NBPF26: variants seen among roughly 807,000 people sequenced by gnomAD.
NBPF26 encodes the protein NBPF family member NBPF26.
Under a neutral mutation model 119.6 loss-of-function variants are expected in NBPF26, and 79 were observed. That is an observed-to-expected ratio of 0.66 (90% CI 0.55 to 0.80). The LOEUF (loss-of-function observed/expected upper bound fraction) is 0.80, where lower values mean the gene tolerates loss of function less well. Among genes scored for constraint, NBPF26 ranks in the 30% least tolerant of loss-of-function variants. NBPF26 has a pLI of 0.00. For synonymous variants in NBPF26, 299 were observed against 457.7 expected, an observed-to-expected ratio of 0.65 and a Z score of 4.43; for missense variants, 800 against 1,198.2, an observed-to-expected ratio of 0.67 and a Z score of 4.91.
intron 1 of NBPF26, among the ~76,000 whole-genome samples, chr1:120,729,072 T>C (rs1161308625): frequency 8.9e-6 from 1 of 112,300 alleles, no homozygotes; most frequent in Non-Finnish European, 1.7e-5. Flanking sequence ...CTTTCCCACC[T>C]TTAGAACATT....
rs1333426207 is a variant in NBPF26 at position 120,749,717 on chromosome 1, T to C, written c.74-13911T>C. Among the ~76,000 whole-genome samples the C allele has an allele frequency of 1.8e-4, 4 of 22,840 alleles. 2 individuals carry two copies. Among genetic ancestry groups the C allele is most frequent in the Non-Finnish European group, 2.9e-4 (4 of 13,676 alleles). 15.0% of individuals were successfully genotyped at this position (22,840 alleles called of 152,430 possible). On this transcript the variant is annotated intron_variant, in intron 1 of 29. Coordinates refer to ENST00000620612, the Ensembl canonical transcript of NBPF26. Reference sequence around the variant, plus strand: ...TTTACAAAGAAAAAATTCTAAACAATTTCAGTCATAGGGTAGTTTTTTTTT... The same window carrying C: ...TTTACAAAGAAAAAATTCTAAACAACTTCAGTCATAGGGTAGTTTTTTTTT...
Position 120,811,979 on chromosome 1 carries a change from T to G in NBPF26, c.1658T>G (p.Ile553Ser), listed in dbSNP as rs1273766882. ...AAGGCAGCGATAAACATTCTAGAAA[T>G]CAATGAGAAATTGCGCCCCCAGCTG... is the stretch of plus-strand genomic sequence containing the variant. The change falls in exon 10 of 30, where the codon ATC becomes AGC. Residue 553 changes from isoleucine to serine, a missense_variant. Ile to Ser is a moderately radical substitution (Grantham distance 142, BLOSUM62 -2). Around this residue, in one of 13 missense-constraint regions of NBPF26, gnomAD observed 72 missense variants for 81.1 expected, o/e 0.89. Coordinates refer to ENST00000620612, the Ensembl canonical transcript of NBPF26. 8.1e-6 allele frequency: 10 copies of G among 1,238,778 alleles called. 1 individual carries two copies. Among genetic ancestry groups the G allele is most frequent in the Non-Finnish European group, 1.1e-5 (10 of 899,032 alleles). 76.7% of individuals were successfully genotyped at this position (1,238,778 alleles called of 1,614,324 possible). A position where few individuals can be genotyped will look rare whatever the true frequency, so the allele number is the denominator to read the frequency against.
rs1651679662 is a variant in NBPF26, at chr1:120,806,228, C to A, written c.961+463C>A. 1.6e-5 allele frequency among the ~76,000 whole-genome samples: 2 copies of A among 123,938 alleles called. 1 individual carries two copies. The highest frequency in any genetic ancestry group is 7.7e-5 in the African/African-American group (2 of 25,910). 81.3% of individuals were successfully genotyped at this position (123,938 alleles called of 152,430 possible). On this transcript the variant is annotated intron_variant, in intron 5 of 29. Transcript: ENST00000620612. ...GGGAACTTGGTGATAGTACCCAGTA[C>A]CTGTTCTGAGGGGCTTCAAGGGGAG... is the stretch of plus-strand genomic sequence containing the variant.
chr1:120,803,077 G>A (rs1651600419), intron 4 of NBPF26, among the ~76,000 whole-genome samples: 1 of 88,064 alleles, frequency 1.1e-5, no homozygotes, highest in South Asian at 3.6e-4. Flanking sequence ...GAGACAATGA[G>A]TGGCGCTGAT....
intron 1 of NBPF26, among the ~76,000 whole-genome samples, chr1:120,736,360 T>A: frequency 2.0e-5 from 1 of 49,666 alleles, no homozygotes; most frequent in East Asian, 4.3e-4. Flanking sequence ...CATTGGACAG[T>A]ACCAGGCACA....
intron 1 of NBPF26, among the ~76,000 whole-genome samples, chr1:120,730,156 T>C (rs1244482211): frequency 3.3e-5 from 1 of 30,200 alleles, no homozygotes; most frequent in Non-Finnish European, 5.3e-5. Context: ...TGCATAGGAG[T>C]TCCACAGCCT....
intron 6 of NBPF26, among the ~76,000 whole-genome samples, chr1:120,807,990 C>T (rs1553270396): frequency 1.6e-5 from 2 of 122,298 alleles, no homozygotes; most frequent in Non-Finnish European, 3.3e-5. Flanking sequence ...GGGAACCACC[C>T]AGCAGCATTC....
chr1:120,790,535 C>CCTTCCTTTCTTTCTTTCTTT, intron 3 of NBPF26, among the ~76,000 whole-genome samples: 1 of 76,714 alleles, frequency 1.3e-5, no homozygotes, highest in East Asian at 3.2e-4. Flanking sequence ...TTTCTCCCTC[C>CCTTCCTTTCTTTCTTTCTTT]CTTTCTTTCT....
In NBPF26 at chr1:120,724,378, C is replaced by T. The variant is rs1470106125; in HGVS notation, c.73+128C>T. The T allele has an allele frequency of 1.9e-5, 25 of 1,346,846 alleles. 5 individuals are homozygous for T. The highest frequency in any genetic ancestry group is 5.4e-5 in the African/African-American group (2 of 37,178). 83.4% of individuals were successfully genotyped at this position (1,346,846 alleles called of 1,614,324 possible). A position where few individuals can be genotyped will look rare whatever the true frequency, so the allele number is the denominator to read the frequency against. On this transcript the variant is annotated intron_variant, in intron 1 of 29. Coordinates refer to ENST00000620612, the Ensembl canonical transcript of NBPF26. ...GCCGCCGGCGCGGAGTGAGGCCACT[C>T]GCTGGGTTCCCAAGAGTTTGGACAT... is the stretch of plus-strand genomic sequence containing the variant.
chr1:120,805,254 T>A (rs1553269550), intron 4 of NBPF26, among the ~76,000 whole-genome samples: 3 of 125,378 alleles, frequency 2.4e-5, no homozygotes, highest in Non-Finnish European at 1.6e-5. Context: ...GGCTCCTAAG[T>A]TTCCATGACA....
intron 1 of NBPF26, among the ~76,000 whole-genome samples, chr1:120,725,969 G>A (rs1650810038): frequency 9.2e-6 from 1 of 108,930 alleles, no homozygotes; most frequent in Non-Finnish European, 1.7e-5. Context: ...AACTTGTTTT[G>A]GTAAATAACT....
Position 120,793,503 on chromosome 1 carries a change from A to G in NBPF26, c.751+7A>G, listed in dbSNP as rs2101473027. The G allele has an allele frequency of 8.2e-7, 1 of 1,214,422 alleles. No homozygotes were observed. The highest frequency in any genetic ancestry group is 1.1e-6 in the Non-Finnish European group (1 of 878,476). The allele number at this position is 1,214,422 out of a possible 1,614,324, so 75.2% of individuals were successfully genotyped here. ...GAGTGCAACTGCCTTCCAGGTAAGG[A>G]GCTCCCTAGTGTCCCAGGATTAGGG... On this transcript the variant is annotated splice_region_variant and intron_variant, in intron 4 of 29. Coordinates refer to ENST00000620612, the Ensembl canonical transcript of NBPF26.
At chr1:120,769,660 A>T (rs1412727859) in intron 2 of NBPF26, among the ~76,000 whole-genome samples, 1 of 120,572 alleles carries the variant, frequency 8.3e-6, no homozygotes, top group East Asian at 2.0e-4. Context: ...TTCAAGAGTT[A>T]TTTATTGCAT....
rs1452541347 is a variant in NBPF26, at chr1:120,812,961, TAAA to T, written c.1774+869_1774+871del. Among the ~76,000 whole-genome samples the T allele has an allele frequency of 7.0e-4, 81 of 115,644 alleles. 32 individuals are homozygous for T. Among genetic ancestry groups the T allele is most frequent in the African/African-American group, 3.9e-3 (80 of 20,318 alleles). 75.9% of individuals were successfully genotyped at this position (115,644 alleles called of 152,430 possible). A position where few individuals can be genotyped will look rare whatever the true frequency, so the allele number is the denominator to read the frequency against. On this transcript the variant is annotated intron_variant, in intron 10 of 29. Coordinates refer to ENST00000620612, the Ensembl canonical transcript of NBPF26. Reference sequence around the variant, plus strand: ...TAATAATAATAATAATAATAATAAATAAAAATAAGAATAAAAAGCAGAGAGTAG... The same window carrying T: ...TAATAATAATAATAATAATAATAAATAATAAGAATAAAAAGCAGAGAGTAG...
At chr1:120,839,938 G>T (rs1652467548) in intron 29 of NBPF26, among the ~76,000 whole-genome samples, 198 bp downstream of exon 35, 1 of 41,420 alleles carries the variant, frequency 2.4e-5, no homozygotes, top group Non-Finnish European at 4.1e-5. Context: ...ACGTACCACA[G>T]GTTGACCATA....
chr1:120,813,414 T>C (rs1405122721), intron 10 of NBPF26, among the ~76,000 whole-genome samples: 2 of 127,776 alleles, frequency 1.6e-5, no homozygotes, highest in Non-Finnish European at 3.2e-5. Context: ...TAACTGGAGA[T>C]ATGATTTAAA....
At chr1:120,770,453 G>A (rs1460370958) in intron 2 of NBPF26, among the ~76,000 whole-genome samples, 4 of 112,888 alleles carry the variant, frequency 3.5e-5, no homozygotes, top group Non-Finnish European at 5.0e-5. Flanking sequence ...ACAGGCGTGA[G>A]CCACCACACC....
intron 28 of NBPF26, 62 bp downstream of exon 34, chr1:120,838,979 C>T: frequency 2.1e-5 from 1 of 48,222 alleles, no homozygotes; most frequent in Non-Finnish European, 3.2e-5. Flanking sequence ...AGATCATATT[C>T]CTGCTCCAAG....
At chr1:120,840,183 G>T (rs1198977508) in intron 29 of NBPF26, among the ~76,000 whole-genome samples, 167 bp from the exon 36 acceptor site, 1 of 88,032 alleles carries the variant, frequency 1.1e-5, no homozygotes, top group Admixed American at 1.1e-4. Flanking sequence ...TTTCTACCTG[G>T]CCCTGTTCTA....
Sources: allele counts gnomAD v4.1 joint callset (sites outside exome capture counted in the v4.1 genomes callset), GRCh38; gene constraint gnomAD v4.1.1; regional missense constraint gnomAD v4.1.1; transcripts MANE v1.5; gene names NCBI Gene and HGNC (gene_info 2026-07-23, HGNC 2026-07-21).